SYT1: variants seen among roughly 807,000 people sequenced by gnomAD.
SYT1 encodes the protein synaptotagmin 1, also known as synaptotagmin-1.
Under a neutral mutation model 44.8 loss-of-function variants are expected in SYT1, and 8 were observed. The observed-to-expected ratio is 0.18, with a 90% CI of 0.10 to 0.32. SYT1 has a LOEUF of 0.32. Ranked by LOEUF, SYT1 falls within the 10% of genes least tolerant of loss-of-function variation. The probability of loss-of-function intolerance (pLI) is 1.00; values close to 1 mark genes in which losing one functional copy is unlikely to be tolerated. For missense variants in SYT1, 286 were observed against 509.3 expected (o/e 0.56, Z 4.22); for synonymous variants, 154 against 188.8 (o/e 0.82, Z 1.51).
At chr12:79,223,701 G>A (rs948301143) in intron 4 of SYT1, among the ~76,000 whole-genome samples, 1 of 152,190 alleles carries the variant, frequency 6.6e-6, no homozygotes, top group Non-Finnish European at 1.5e-5. Flanking sequence ...ACCCAGTGGC[G>A]ATACATACCA....
At chr12:78,901,392 C>G (rs1054231103) in intron 1 of SYT1, among the ~76,000 whole-genome samples, 1 of 152,056 alleles carries the variant, frequency 6.6e-6, no homozygotes, top group African/African-American at 2.4e-5. Flanking sequence ...ATTTTCCAGA[C>G]ATGAATGTCT....
intron 4 of SYT1, among the ~76,000 whole-genome samples, chr12:79,266,436 T>A (rs144113285): frequency 6.6e-6 from 1 of 152,290 alleles, no homozygotes; most frequent in Non-Finnish European, 1.5e-5. Context: ...GGATTCTACA[T>A]CCTTAAGGGA....
chr12:79,138,520 C>T (rs1869344641), intron 3 of SYT1, among the ~76,000 whole-genome samples: 1 of 152,212 alleles, frequency 6.6e-6, no homozygotes, highest in South Asian at 2.1e-4. Flanking sequence ...CTTCTATTCA[C>T]CTCCTGCCTT....
At chr12:79,299,259 C>A in intron 7 of SYT1, 125 bp from the exon 8 acceptor site, 2 of 1,120,090 alleles carry the variant, frequency 1.8e-6, no homozygotes, top group Non-Finnish European at 1.3e-6. Flanking sequence ...AAAAAATAAC[C>A]AAAAACAAAA....
intron 3 of SYT1, among the ~76,000 whole-genome samples, chr12:79,125,041 G>C (rs1050584723): frequency 3.9e-5 from 6 of 151,964 alleles, no homozygotes; most frequent in Admixed American, 1.3e-4. Flanking sequence ...GTTTGGTTTG[G>C]TTTGATTTGG....
chr12:79,242,107 A>G (rs1876550349), intron 4 of SYT1, among the ~76,000 whole-genome samples: 1 of 152,200 alleles, frequency 6.6e-6, no homozygotes, highest in African/African-American at 2.4e-5. Context: ...AAACTGTGAG[A>G]GAATAAATTT....
intron 4 of SYT1, among the ~76,000 whole-genome samples, chr12:79,265,259 A>G (rs1031330646): frequency 4.6e-5 from 7 of 152,108 alleles, no homozygotes; most frequent in Non-Finnish European, 8.8e-5. Flanking sequence ...CATTTTATAC[A>G]GAGGAAAACT....
At chr12:79,271,788 G>A (rs1878440098) in intron 4 of SYT1, among the ~76,000 whole-genome samples, 1 of 152,084 alleles carries the variant, frequency 6.6e-6, no homozygotes, top group Admixed American at 6.5e-5. Flanking sequence ...TATTGTGTTT[G>A]TATTAATATC....
At chr12:79,063,727 A>C (rs1235922281) in intron 3 of SYT1, among the ~76,000 whole-genome samples, 1 of 152,210 alleles carries the variant, frequency 6.6e-6, no homozygotes, top group Non-Finnish European at 1.5e-5. Flanking sequence ...TAAAGAAAAT[A>C]AGTAAAAAAG....
At chr12:79,274,945 T>A (rs533495515) in intron 4 of SYT1, among the ~76,000 whole-genome samples, 5 of 152,200 alleles carry the variant, frequency 3.3e-5, no homozygotes, top group Non-Finnish European at 7.3e-5. Flanking sequence ...TGCTTGCACC[T>A]GCCACTGGGA....
intron 9 of SYT1, among the ~76,000 whole-genome samples, chr12:79,428,586 A>G (rs1320573714): frequency 1.3e-5 from 2 of 152,172 alleles, no homozygotes; most frequent in African/African-American, 2.4e-5. Flanking sequence ...ACTTCTTGCA[A>G]TGCACGTTGT....
At chr12:78,920,011 T>C (rs1210549611) in intron 1 of SYT1, among the ~76,000 whole-genome samples, 1 of 103,072 alleles carries the variant, frequency 9.7e-6, no homozygotes, top group East Asian at 2.4e-4. Context: ...TATTGTAGAG[T>C]ATCATTGGGC....
chr12:79,053,160 T>A (rs1031167313), intron 3 of SYT1, among the ~76,000 whole-genome samples: 57 of 152,244 alleles, frequency 3.7e-4, no homozygotes, highest in Non-Finnish European at 7.6e-4. Flanking sequence ...ACATACACCA[T>A]GGAATACTAT....
At chr12:79,315,223 T>A (rs1881026416) in intron 8 of SYT1, among the ~76,000 whole-genome samples, 1 of 152,148 alleles carries the variant, frequency 6.6e-6, no homozygotes, top group African/African-American at 2.4e-5. Flanking sequence ...ATTAAAAAAA[T>A]TATTTGAGAC....
intron 1 of SYT1, among the ~76,000 whole-genome samples, chr12:78,931,883 C>T (rs1877776188): frequency 6.6e-6 from 1 of 152,164 alleles, no homozygotes; most frequent in African/African-American, 2.4e-5. Flanking sequence ...TTGGTAAAAG[C>T]AGAGTCTGTT....
At chr12:79,085,980 C>T (rs1877351932) in intron 3 of SYT1, among the ~76,000 whole-genome samples, 1 of 152,024 alleles carries the variant, frequency 6.6e-6, no homozygotes, top group Non-Finnish European at 1.5e-5. Context: ...ATATGATCAC[C>T]AGGTTTGAAT....
At chr12:79,273,401 T>C (rs969921297) in intron 4 of SYT1, among the ~76,000 whole-genome samples, 4 of 152,116 alleles carry the variant, frequency 2.6e-5, no homozygotes, top group Admixed American at 2.0e-4. Context: ...TGAGCCACCA[T>C]GCCTGGCCAC....
chr12:79,411,832 T>C (rs1413159312), intron 9 of SYT1, among the ~76,000 whole-genome samples: 6 of 152,090 alleles, frequency 3.9e-5, no homozygotes, highest in African/African-American at 1.2e-4. Flanking sequence ...ACAAAGCACA[T>C]CATTTTTAAC....
At chr12:79,173,098 AC>A (rs1284330075) in intron 3 of SYT1, among the ~76,000 whole-genome samples, 2 of 151,478 alleles carry the variant, frequency 1.3e-5, no homozygotes, top group African/African-American at 4.8e-5. Context: ...TAGCATCTCT[AC>A]CTTTTCACAT....
Sources: allele counts gnomAD v4.1 joint callset (sites outside exome capture counted in the v4.1 genomes callset), GRCh38; gene constraint gnomAD v4.1.1; transcripts MANE v1.5; gene names NCBI Gene and HGNC (gene_info 2026-07-23, HGNC 2026-07-21).